The following CNTN4 variants were observed in gnomAD, a reference collection of about 807,000 sequenced individuals.
CNTN4 encodes the protein contactin-4.
CNTN4 carries 77 observed loss-of-function variants against 122.5 expected under a neutral mutation model. The ratio of observed to expected loss-of-function variants is 0.63; its 90% CI spans 0.52 to 0.76. The LOEUF (loss-of-function observed/expected upper bound fraction) is 0.76, where lower values mean the gene tolerates loss of function less well. CNTN4 is among the 30% of genes least tolerant of loss of function. The probability of loss-of-function intolerance (pLI) is 0.00; values close to 1 mark genes in which losing one functional copy is unlikely to be tolerated. For synonymous variants in CNTN4, 512 were observed against 447.0 expected (o/e 1.15, Z -1.83); for missense variants, 1,256 against 1,259.1 (o/e 1.00, Z 0.04).
intron 6 of CNTN4, among the ~76,000 whole-genome samples, chr3:2,793,231 AC>A (rs1240651468): frequency 2.0e-5 from 3 of 152,026 alleles, no homozygotes; most frequent in African/African-American, 7.2e-5. Context: ...GATTCCTATC[AC>A]GCTTCTGCTT....
At position 2,557,597 on chromosome 3, in the gene CNTN4, CG is replaced by C. The variant is rs758073489; in HGVS notation, c.-88-13816del. Among the ~76,000 whole-genome samples the C allele has an allele frequency of 6.8e-4, 103 of 152,036 alleles. 1 individual carries two copies. The highest frequency in any genetic ancestry group is 2.2e-3 in the African/African-American group (91 of 41,486). ...AAAACAAATTAGCTGGGCGTGGTGG[CG>C]GGCGCCTGTAGTTCCAGCTACTCAG... On this transcript the variant is annotated intron_variant, in intron 3 of 24. Transcript: ENST00000418658.
chr3:2,508,015 A>G (rs578164909), intron 3 of CNTN4, among the ~76,000 whole-genome samples: 1 of 152,264 alleles, frequency 6.6e-6, no homozygotes, highest in South Asian at 2.1e-4. Context: ...TCACATTGAC[A>G]TAATTATTTA....
chr3:2,453,251 T>A (rs2048893386), intron 3 of CNTN4, among the ~76,000 whole-genome samples: 1 of 152,066 alleles, frequency 6.6e-6, no homozygotes, highest in South Asian at 2.1e-4. Context: ...AAAAAAAATG[T>A]CTGGAATGTT....
At chr3:2,311,949 A>T (rs368912786) in intron 2 of CNTN4, among the ~76,000 whole-genome samples, 1 of 152,160 alleles carries the variant, frequency 6.6e-6, no homozygotes, top group African/African-American at 2.4e-5. Context: ...AAGGATGTGT[A>T]TCTGACATAT....
intron 2 of CNTN4, among the ~76,000 whole-genome samples, chr3:2,116,198 A>T (rs200914586): frequency 6.6e-6 from 1 of 152,190 alleles, no homozygotes; most frequent in African/African-American, 2.4e-5. Flanking sequence ...ATGCACTTTC[A>T]TACCCAGTTT....
chr3:2,570,369 G>T (rs2079370867), intron 3 of CNTN4, among the ~76,000 whole-genome samples: 2 of 151,982 alleles, frequency 1.3e-5, no homozygotes, highest in Non-Finnish European at 2.9e-5. Context: ...AAAGGTGGGG[G>T]TCTCGCTATG....
At chr3:2,697,870 T>C (rs1238920517) in intron 4 of CNTN4, among the ~76,000 whole-genome samples, 2 of 152,166 alleles carry the variant, frequency 1.3e-5, no homozygotes, top group Non-Finnish European at 2.9e-5. Context: ...GAGAATTCCT[T>C]CTTCAGGGAT....
chr3:2,303,232 A>G (rs1047722936), intron 2 of CNTN4, among the ~76,000 whole-genome samples: 1 of 152,206 alleles, frequency 6.6e-6, no homozygotes, highest in African/African-American at 2.4e-5. Context: ...TTTATATACC[A>G]TATAGTTTAC....
intron 4 of CNTN4, among the ~76,000 whole-genome samples, chr3:2,594,342 T>G (rs2080655479): frequency 6.6e-6 from 1 of 152,180 alleles, no homozygotes; most frequent in Non-Finnish European, 1.5e-5. Flanking sequence ...TTCTTTCCAT[T>G]TAGTAAATAG....
chr3:2,510,661 A>G (rs1186089930), intron 3 of CNTN4, among the ~76,000 whole-genome samples: 2 of 152,160 alleles, frequency 1.3e-5, no homozygotes, highest in African/African-American at 4.8e-5. Context: ...TTCCGGGGCC[A>G]GCAGGTAGCA....
chr3:2,301,827 C>G (rs2042537080), intron 2 of CNTN4, among the ~76,000 whole-genome samples: 2 of 152,166 alleles, frequency 1.3e-5, no homozygotes, highest in African/African-American at 2.4e-5. Flanking sequence ...GTCTTTAAAA[C>G]AAATAAATAA....
chr3:2,695,071 A>G (rs1559396325), intron 4 of CNTN4, among the ~76,000 whole-genome samples: 1 of 152,206 alleles, frequency 6.6e-6, no homozygotes. Context: ...CTGTTGACTG[A>G]CTACCTATTA....
At chr3:2,228,855 G>A (rs1460724907) in intron 2 of CNTN4, among the ~76,000 whole-genome samples, 1 of 152,066 alleles carries the variant, frequency 6.6e-6, no homozygotes, top group Non-Finnish European at 1.5e-5. Context: ...TGATTTGATG[G>A]TGGTTATTCT....
At chr3:2,610,712 G>T (rs147437973) in intron 4 of CNTN4, among the ~76,000 whole-genome samples, 2 of 152,078 alleles carry the variant, frequency 1.3e-5, no homozygotes, top group Non-Finnish European at 2.9e-5. Context: ...AAATTAATAG[G>T]TATCTCATAT....
intron 4 of CNTN4, among the ~76,000 whole-genome samples, chr3:2,588,692 T>C (rs2080322165): frequency 6.6e-6 from 1 of 151,370 alleles, no homozygotes; most frequent in Non-Finnish European, 1.5e-5. Flanking sequence ...TAGTGCCTGA[T>C]CTCTGTACAA....
In CNTN4 at chr3:2,983,172, G is replaced by C. The variant is rs1315871093; in HGVS notation, c.1359-5173G>C. 6.9e-5 allele frequency among the ~76,000 whole-genome samples: 8 copies of C among 116,752 alleles called. No homozygotes were observed. In the South Asian group the frequency reaches 1.2e-3, roughly 18 times the overall value. 76.6% of individuals were successfully genotyped at this position (116,752 alleles called of 152,430 possible). On this transcript the variant is annotated intron_variant, in intron 13 of 24. Transcript: ENST00000418658. ...GAGCTTGCAGTGAGCCGAGATCGCA[G>C]CACTGCACTCCAGCCTGGGTGACAG...
chr3:2,983,617 G>A (rs1319319035), intron 13 of CNTN4, among the ~76,000 whole-genome samples: 1 of 152,154 alleles, frequency 6.6e-6, no homozygotes, highest in Non-Finnish European at 1.5e-5. Flanking sequence ...ACAACTCTAT[G>A]AGATGTATAT....
chr3:2,876,771 C>T (rs1346081506), intron 8 of CNTN4, among the ~76,000 whole-genome samples: 3 of 152,184 alleles, frequency 2.0e-5, no homozygotes, highest in Non-Finnish European at 4.4e-5. Flanking sequence ...ATACAGTTGC[C>T]ACAAGTTCTT....
At chr3:2,367,909 C>A (rs906398720) in intron 3 of CNTN4, among the ~76,000 whole-genome samples, 23 of 152,224 alleles carry the variant, frequency 1.5e-4, no homozygotes, top group Non-Finnish European at 2.5e-4. Flanking sequence ...GCCTCAGGAT[C>A]CGTAAGTACT....
Sources: gnomAD v4.1 joint callset for allele counts (sites outside exome capture counted in the v4.1 genomes callset) on GRCh38, gnomAD v4.1.1 for gene constraint, MANE v1.5 for transcripts, NCBI Gene and HGNC (gene_info 2026-07-23, HGNC 2026-07-21) for gene names.